TP53INP1: variants seen among roughly 807,000 people sequenced by gnomAD.
TP53INP1 encodes the protein tumor protein p53-inducible nuclear protein 1.
A neutral mutation model predicts 21.0 loss-of-function variants in TP53INP1; 12 were observed. The ratio of observed to expected loss-of-function variants is 0.57; its 90% CI spans 0.37 to 0.93. The LOEUF is 0.93. TP53INP1 is among the 40% of genes least tolerant of loss of function. The probability of loss-of-function intolerance (pLI) is 0.01; values close to 1 mark genes in which losing one functional copy is unlikely to be tolerated. For synonymous variants in TP53INP1, 91 were observed against 94.8 expected (o/e 0.96, Z 0.23); for missense variants, 274 against 294.7 (o/e 0.93, Z 0.51).
In TP53INP1 at chr8:94,930,373, T is replaced by C. The variant is rs1163834087; in HGVS notation, c.*106A>G. ...AAATACACTGATAAAACTATGTGAT[T>C]GGTTATCAATTGGTTGTAAAGAGAC... On this transcript the variant is annotated 3_prime_UTR_variant, in exon 4 of 4. Coordinates refer to ENST00000342697, the MANE Select transcript of TP53INP1 (RefSeq NM_033285.4). The C allele has an allele frequency of 6.9e-7, 1 of 1,450,710 alleles. No individual in the cohort carries two copies. Among genetic ancestry groups the C allele is most frequent in the African/African-American group, 1.4e-5 (1 of 70,752 alleles). 89.9% of individuals were successfully genotyped at this position (1,450,710 alleles called of 1,614,324 possible).
chr8:94,933,201 G>A (rs1266844642), intron 3 of TP53INP1, among the ~76,000 whole-genome samples: 1 of 152,208 alleles, frequency 6.6e-6, no homozygotes, highest in Admixed American at 6.5e-5. Context: ...GGGCAACAGT[G>A]AGACTCCGTG....
Position 94,940,176 on chromosome 8 carries a change from C to T in TP53INP1, c.157G>A (p.Asp53Asn). The T allele has an allele frequency of 6.2e-7, 1 of 1,613,690 alleles. No homozygotes were observed. The highest frequency in any genetic ancestry group is 8.5e-7 in the Non-Finnish European group (1 of 1,179,722). Residue 53 changes from aspartate to asparagine, a missense_variant, in exon 3 of 4, where the codon GAC (aspartate) becomes AAC (asparagine). Transcript: ENST00000342697. ...TCAGTAGGTGACTCTTCACTGATGT[C>T]CTCCTCTTCTTCTTCTTCTTCTGCT... ...FSAEEEEEEEDISEESPTEHP... is the reference protein window; with the variant it reads ...FSAEEEEEEENISEESPTEHP...
At chr8:94,947,075 C>T (rs1051388084) in intron 1 of TP53INP1, among the ~76,000 whole-genome samples, 1 of 151,984 alleles carries the variant, frequency 6.6e-6, no homozygotes, top group South Asian at 2.1e-4. Context: ...ATGAGGAAAC[C>T]GAGGCTGAGG....
At position 94,926,501 on chromosome 8, in the gene TP53INP1, G is replaced by A. The variant is rs956410327; in HGVS notation, c.*3978C>T. ...AAGCAAAACCACTCATACACTCCAA[G>A]CCTGAAACACACATCTAACCTCCCC... On this transcript the variant is annotated 3_prime_UTR_variant, in exon 4 of 4. Transcript: ENST00000342697. 12 of 150,728 alleles carry A rather than the reference G, an allele frequency of 8.0e-5. No homozygotes were observed. Among genetic ancestry groups the A allele is most frequent in the African/African-American group, 2.9e-4 (12 of 40,870 alleles). The allele number at this position is 150,728 out of a possible 1,614,324, so 9.3% of individuals were successfully genotyped here.
At position 94,940,842 on chromosome 8, in the gene TP53INP1, C is replaced by T; in HGVS notation, c.100G>A (p.Val34Ile). The T allele has an allele frequency of 6.2e-7, 1 of 1,612,734 alleles. No individual in the cohort carries two copies. Among genetic ancestry groups the T allele is most frequent in the East Asian group, 2.2e-5 (1 of 44,786 alleles). The change falls in exon 2 of 4, where the codon GTT becomes ATT. Residue 34 changes from valine (V) to isoleucine (I), a missense_variant. Coordinates refer to ENST00000342697, the MANE Select transcript of TP53INP1 (RefSeq NM_033285.4). ...AAGTGTACCTTACCTATGAAGTCAA[C>T]AAGAATCCATTCATCATCTTCTTTC... ...NEKEDDEWIL[V>I]DFIDTCTGFS...
chr8:94,942,126 TC>T (rs977579879), intron 1 of TP53INP1, among the ~76,000 whole-genome samples: 18 of 151,714 alleles, frequency 1.2e-4, no homozygotes, highest in African/African-American at 3.4e-4. Flanking sequence ...AAGCTCTGCC[TC>T]CCGGGTTCAC....
In TP53INP1 at chr8:94,930,045, A is replaced by AT. The variant is rs1820240072; in HGVS notation, c.*433dup. On this transcript the variant is annotated 3_prime_UTR_variant, in exon 4 of 4. Coordinates refer to ENST00000342697, the MANE Select transcript of TP53INP1 (RefSeq NM_033285.4). The stretch of plus-strand genomic sequence containing the variant: ...AAATGTATTCATCATATACAGAGAG[A>AT]TTATCAAGTACTGGTCAATAAAGTG... 1 of 160,342 alleles carries AT rather than the reference A, an allele frequency of 6.2e-6. No individual in the cohort carries two copies. The highest frequency in any genetic ancestry group is 2.4e-5 in the African/African-American group (1 of 41,562). The allele number at this position is 160,342 out of a possible 1,614,324, so 9.9% of individuals were successfully genotyped here.
chr8:94,932,182 G>A (rs930526868), intron 3 of TP53INP1: 4 of 1,498,102 alleles, frequency 2.7e-6, no homozygotes, highest in South Asian at 1.2e-5. Context: ...CTATTAGGAC[G>A]TGGTCAACTT....
Position 94,927,504 on chromosome 8 carries a change from C to T in TP53INP1, c.*2975G>A, listed in dbSNP as rs1819997356. On this transcript the variant is annotated 3_prime_UTR_variant, in exon 4 of 4. Transcript: ENST00000342697. ...ATAGGAAATTAATATTTCTTAAAAG[C>T]TCCCTGCGATAGGAAGTCGAAAACC... 6.6e-6 allele frequency: 1 copy of T among 152,102 alleles called. No individual in the cohort carries two copies. The highest frequency in any genetic ancestry group is 2.1e-4 in the South Asian group (1 of 4,830). 9.4% of individuals were successfully genotyped at this position (152,102 alleles called of 1,614,324 possible). A position where few individuals can be genotyped will look rare whatever the true frequency, so the allele number is the denominator to read the frequency against.
chr8:94,942,561 C>G (rs1821646778), intron 1 of TP53INP1, among the ~76,000 whole-genome samples: 1 of 152,228 alleles, frequency 6.6e-6, no homozygotes, highest in South Asian at 2.1e-4. Flanking sequence ...GAATAAAGTC[C>G]TCAGTCCAGG....
Position 94,929,102 on chromosome 8 carries a change from A to G in TP53INP1, c.*1377T>C, listed in dbSNP as rs889238732. On this transcript the variant is annotated 3_prime_UTR_variant, in exon 4 of 4. Transcript: ENST00000342697. ...TCTAAGTTAACTGGCCTACGTGTGA[A>G]TCGAACCCTGCACCCTGGCCTCATT... 6.6e-6 allele frequency: 1 copy of G among 152,634 alleles called. No individual in the cohort carries two copies. The highest frequency in any genetic ancestry group is 2.4e-5 in the African/African-American group (1 of 41,458). 9.5% of individuals were successfully genotyped at this position (152,634 alleles called of 1,614,324 possible). A position where few individuals can be genotyped will look rare whatever the true frequency, so the allele number is the denominator to read the frequency against.
rs1020124487 is a variant in TP53INP1, at chr8:94,928,708, C to T, written c.*1771G>A. 6.6e-6 allele frequency: 1 copy of T among 152,212 alleles called. No individual in the cohort carries two copies. Among genetic ancestry groups the T allele is most frequent in the African/African-American group, 2.4e-5 (1 of 41,452 alleles). The allele number at this position is 152,212 out of a possible 1,614,324, so 9.4% of individuals were successfully genotyped here. On this transcript the variant is annotated 3_prime_UTR_variant, in exon 4 of 4. Transcript: ENST00000342697. ...AATGTAAAACCTCCATCTCACTACA[C>T]ATTTGACGTCTTCCACTCCAAACGC...
intron 1 of TP53INP1, among the ~76,000 whole-genome samples, chr8:94,947,011 A>G (rs1305935057): frequency 6.6e-6 from 1 of 152,140 alleles, no homozygotes; most frequent in East Asian, 1.9e-4. Flanking sequence ...CAATTTACAG[A>G]ATGCTTATTG....
At position 94,928,885 on chromosome 8, in the gene TP53INP1, TTAA is replaced by T. The variant is rs780247147; in HGVS notation, c.*1591_*1593del. The T allele has an allele frequency of 6.6e-6, 1 of 152,586 alleles. No individual in the cohort carries two copies. The highest frequency in any genetic ancestry group is 1.5e-5 in the Non-Finnish European group (1 of 68,026). The allele number at this position is 152,586 out of a possible 1,614,324, so 9.5% of individuals were successfully genotyped here. The stretch of plus-strand genomic sequence containing the variant: ...AAACATTTTGTAGACCTGTACTCAT[TTAA>T]TTAGGGTTGCAGAGGAGATGGAAAA... On this transcript the variant is annotated 3_prime_UTR_variant, in exon 4 of 4. Coordinates refer to ENST00000342697, the MANE Select transcript of TP53INP1 (RefSeq NM_033285.4).
rs548081414 is a variant in TP53INP1, at chr8:94,926,094, C to T, written c.*4385G>A. Reference sequence around the variant, plus strand: ...CACACAATGTTTAAACAATGCTACACTCATTTTTGGCAAAGTGCTGTATTG... The same window carrying T: ...CACACAATGTTTAAACAATGCTACATTCATTTTTGGCAAAGTGCTGTATTG... On this transcript the variant is annotated 3_prime_UTR_variant, in exon 4 of 4. Transcript: ENST00000342697. The T allele has an allele frequency of 3.5e-4, 54 of 152,746 alleles. No individual in the cohort carries two copies. Among genetic ancestry groups the T allele is most frequent in the African/African-American group, 1.1e-3 (45 of 41,566 alleles). The allele number at this position is 152,746 out of a possible 1,614,324, so 9.5% of individuals were successfully genotyped here. A position where few individuals can be genotyped will look rare whatever the true frequency, so the allele number is the denominator to read the frequency against.
chr8:94,946,219 T>C (rs948180158), intron 1 of TP53INP1, among the ~76,000 whole-genome samples: 1 of 152,162 alleles, frequency 6.6e-6, no homozygotes, highest in African/African-American at 2.4e-5. Context: ...GGTTTTCATA[T>C]TATTACATGA....
rs940061577 is a variant in TP53INP1, at chr8:94,926,734, A to G, written c.*3745T>C. 2.0e-5 allele frequency: 3 copies of G among 152,208 alleles called. No homozygotes were observed. Among genetic ancestry groups the G allele is most frequent in the Non-Finnish European group, 2.9e-5 (2 of 68,034 alleles). The allele number at this position is 152,208 out of a possible 1,614,324, so 9.4% of individuals were successfully genotyped here. On this transcript the variant is annotated 3_prime_UTR_variant, in exon 4 of 4. Transcript: ENST00000342697. ...CAAAGGATACTGTTGCACATAAAAG[A>G]TATCCTCATCTGCATGTTTTCCAGT...
chr8:94,945,188 T>C lies in TP53INP1; in HGVS notation c.-151+3966A>G, dbSNP rs560982546. Among the ~76,000 whole-genome samples the C allele has an allele frequency of 4.3e-4, 66 of 152,328 alleles. 1 individual carries two copies. Among genetic ancestry groups the C allele is most frequent in the African/African-American group, 1.5e-3 (64 of 41,570 alleles). ...GAACAGTTAGGGTATGAATCTACTT[T>C]TTCACCTATAAATTTTACGAAGTCT... On this transcript the variant is annotated intron_variant, in intron 1 of 3. Coordinates refer to ENST00000342697, the MANE Select transcript of TP53INP1 (RefSeq NM_033285.4).
Position 94,930,664 on chromosome 8 carries a change from T to C in TP53INP1, c.538A>G (p.Thr180Ala). 6.2e-7 allele frequency: 1 copy of C among 1,614,228 alleles called. No individual in the cohort carries two copies. The highest frequency in any genetic ancestry group is 8.5e-7 in the Non-Finnish European group (1 of 1,180,030). ...CTCTTGGGTTGTTCCAGAAAAGTTGTATGAGCAGCAAGAGCTGCAACATAA... is the reference window on the plus strand; with the variant it reads ...CTCTTGGGTTGTTCCAGAAAAGTTGCATGAGCAGCAAGAGCTGCAACATAA... ...HCYVAALAAH[T>A]TFLEQPKSFR... The change falls in exon 4 of 4, where the codon ACA becomes GCA. Residue 180 changes from threonine (T) to alanine (A), a missense_variant. Transcript: ENST00000342697.
Sources: gnomAD v4.1 joint callset for allele counts (sites outside exome capture counted in the v4.1 genomes callset) on GRCh38, gnomAD v4.1.1 for gene constraint, MANE v1.5 for transcripts, NCBI Gene and HGNC (gene_info 2026-07-23, HGNC 2026-07-21) for gene names.